TUSC3: variants seen among roughly 807,000 people sequenced by gnomAD.
The protein encoded by TUSC3 is dolichyl-diphosphooligosaccharide--protein glycosyltransferase subunit TUSC3.
Under a neutral mutation model 44.8 loss-of-function variants are expected in TUSC3, and 45 were observed. The observed-to-expected ratio is 1.00, with a 90% confidence interval of 0.79 to 1.29. TUSC3 has a LOEUF of 1.29. Ranked by LOEUF, TUSC3 falls within the 50% of genes most tolerant of loss-of-function variation. The pLI, the probability that TUSC3 is intolerant of heterozygous loss-of-function variation, is 0.00. For synonymous variants in TUSC3, 212 were observed against 152.9 expected, an observed-to-expected ratio of 1.39 and a Z score of -2.85; for missense variants, 519 against 437.9, an observed-to-expected ratio of 1.19 and a Z score of -1.65.
intron 2 of TUSC3, among the ~76,000 whole-genome samples, chr8:15,493,237 G>T (rs1032259321): frequency 1.1e-4 from 17 of 152,142 alleles, no homozygotes; most frequent in African/African-American, 3.9e-4. Context: ...TATTGTATGA[G>T]TCCAACTTTC....
intron 8 of TUSC3, among the ~76,000 whole-genome samples, chr8:15,746,392 CTTTTTGATGTGATTTTTA>C (rs990251281): frequency 1.3e-5 from 2 of 151,946 alleles, no homozygotes; most frequent in African/African-American, 2.4e-5. Context: ...CAAATTATTC[CTTTTTGATGTGATTTTTA>C]TTTTTGATGT....
At chr8:15,851,918 G>T in the TUSC3 span, among the ~76,000 whole-genome samples, 1 of 152,080 alleles carries the variant, frequency 6.6e-6, no homozygotes, top group African/African-American at 2.4e-5. Flanking sequence ...GTGGTAGTGG[G>T]TAAGTCTCCT....
chr8:15,737,139 T>G (rs1339042448), intron 7 of TUSC3, among the ~76,000 whole-genome samples: 2 of 152,134 alleles, frequency 1.3e-5, no homozygotes, highest in Non-Finnish European at 2.9e-5. Context: ...AGAGCAAACA[T>G]TCCTTTTAAT....
In TUSC3 at chr8:15,504,608, TA is replaced by T. The variant is rs1563268567; in HGVS notation, n.189+21126del. ...ATATATATATATATATATATATATATATATATATATATATTTTTTTTTTTTT... is the reference window on the plus strand; with the variant it reads ...ATATATATATATATATATATATATATTATATATATATATTTTTTTTTTTTT... On this transcript the variant is annotated intron_variant and non_coding_transcript_variant, in intron 2 of 5. Transcript: ENST00000503191. 6.7e-3 allele frequency among the ~76,000 whole-genome samples: 227 copies of T among 33,642 alleles called. 4 individuals are homozygous for T. Among genetic ancestry groups the T allele is most frequent in the African/African-American group, 0.037 (199 of 5,326 alleles). 22.1% of individuals were successfully genotyped at this position (33,642 alleles called of 152,430 possible).
At chr8:15,828,329 G>A in the TUSC3 span, among the ~76,000 whole-genome samples, 3 of 152,096 alleles carry the variant, frequency 2.0e-5, no homozygotes, top group African/African-American at 7.2e-5. Flanking sequence ...TTGTAGATTG[G>A]TTTTATAAAC....
intron 1 of TUSC3, among the ~76,000 whole-genome samples, chr8:15,449,387 G>C (rs1005146594): frequency 6.6e-6 from 1 of 152,164 alleles, no homozygotes; most frequent in Non-Finnish European, 1.5e-5. Flanking sequence ...AGGTGAAGCA[G>C]AGGACACGGA....
chr8:15,766,244 A>G lies in TUSC3; in HGVS notation c.*2088A>G, dbSNP rs1327902094. On this transcript the variant is annotated 3_prime_UTR_variant, in exon 11 of 11. Transcript: ENST00000503731. ...TAGGGAAGTGATTCTAGAGCAAAATATACTGCCTCAACATAAGTCGTTACT... is the reference window on the plus strand; with the variant it reads ...TAGGGAAGTGATTCTAGAGCAAAATGTACTGCCTCAACATAAGTCGTTACT... 6.6e-6 allele frequency: 1 copy of G among 152,094 alleles called. No homozygotes were observed. Among genetic ancestry groups the G allele is most frequent in the East Asian group, 1.9e-4 (1 of 5,192 alleles). 9.4% of individuals were successfully genotyped at this position (152,094 alleles called of 1,614,324 possible). A position where few individuals can be genotyped will look rare whatever the true frequency, so the allele number is the denominator to read the frequency against.
chr8:15,444,079 C>T (rs1800059125), intron 1 of TUSC3, among the ~76,000 whole-genome samples: 1 of 152,200 alleles, frequency 6.6e-6, no homozygotes, highest in Non-Finnish European at 1.5e-5. Context: ...ATTACTCCTT[C>T]TCTATTGCGA....
downstream of TUSC3, chr8:15,766,721 G>A (rs940213257): frequency 3.9e-5 from 6 of 152,080 alleles, no homozygotes; most frequent in African/African-American, 1.4e-4. Context: ...AGCAGGCATG[G>A]TGATTTGGGG....
chr8:15,505,646 A>G (rs1319349791), intron 2 of TUSC3, among the ~76,000 whole-genome samples: 1 of 152,238 alleles, frequency 6.6e-6, no homozygotes, highest in Non-Finnish European at 1.5e-5. Context: ...GGAGAATCTG[A>G]TTCAGCAGGT....
intron 1 of TUSC3, among the ~76,000 whole-genome samples, chr8:15,622,497 A>G (rs1286425113): frequency 4.6e-5 from 7 of 152,120 alleles, no homozygotes; most frequent in Admixed American, 1.3e-4. Context: ...GGAACAGAAT[A>G]TTACTAATAG....
intron 6 of TUSC3, among the ~76,000 whole-genome samples, chr8:15,694,837 A>G (rs1041854705): frequency 9.9e-5 from 15 of 152,118 alleles, no homozygotes; most frequent in African/African-American, 3.4e-4. Flanking sequence ...CAACACTCCC[A>G]TGAGTGGTGT....
At chr8:15,446,599 C>T (rs958516431) in intron 1 of TUSC3, among the ~76,000 whole-genome samples, 9 of 151,638 alleles carry the variant, frequency 5.9e-5, no homozygotes, top group Non-Finnish European at 1.0e-4. Context: ...TGGCGGCGGG[C>T]GCCTGCAATC....
intron 1 of TUSC3, among the ~76,000 whole-genome samples, chr8:15,453,659 T>A (rs1407565758): frequency 6.6e-6 from 1 of 152,208 alleles, no homozygotes; most frequent in African/African-American, 2.4e-5. Flanking sequence ...TAAATATATT[T>A]ATGGAATATT....
chr8:15,424,712 C>G (rs1261617908), intron 1 of TUSC3, among the ~76,000 whole-genome samples: 1 of 152,056 alleles, frequency 6.6e-6, no homozygotes, highest in African/African-American at 2.4e-5. Context: ...AACCCCGTCT[C>G]TACTAAAAAT....
chr8:15,417,793 T>A (rs1177235331), intron 1 of TUSC3, among the ~76,000 whole-genome samples: 1 of 152,152 alleles, frequency 6.6e-6, no homozygotes, highest in African/African-American at 2.4e-5. Context: ...TGTTCCTGAT[T>A]GGCGTTGGCT....
intron 5 of TUSC3, among the ~76,000 whole-genome samples, chr8:15,664,438 TTA>T (rs1807566081): frequency 4.0e-3 from 1 of 252 alleles, no homozygotes; most frequent in Non-Finnish European, 9.3e-3. Context: ...TTATACAGAT[TTA>T]TTATTATTAT....
chr8:15,492,573 G>A (rs1016038809), intron 2 of TUSC3, among the ~76,000 whole-genome samples: 4 of 152,088 alleles, frequency 2.6e-5, no homozygotes, highest in African/African-American at 9.7e-5. Context: ...AACAAAAACT[G>A]GATGACATGG....
At chr8:15,458,285 C>A (rs547718505) in intron 1 of TUSC3, among the ~76,000 whole-genome samples, 1 of 152,122 alleles carries the variant, frequency 6.6e-6, no homozygotes, top group Non-Finnish European at 1.5e-5. Flanking sequence ...GTGGCCCATG[C>A]TGAGGTACAG....
Sources: allele counts gnomAD v4.1 joint callset (sites outside exome capture counted in the v4.1 genomes callset), GRCh38; gene constraint gnomAD v4.1.1; transcripts MANE v1.5; gene names NCBI Gene and HGNC (gene_info 2026-07-23, HGNC 2026-07-21).